EXT1: variants seen among roughly 807,000 people sequenced by gnomAD.
EXT1 encodes exostosin-1.
In EXT1, 20 loss-of-function variants were observed where a neutral mutation model predicts 82.5. The ratio of observed to expected loss-of-function variants is 0.24; its 90% confidence interval spans 0.17 to 0.35. The LOEUF is 0.35. EXT1 is among the 10% of genes least tolerant of loss of function. EXT1 has a pLI of 1.00. For synonymous variants in EXT1, 348 were observed against 350.8 expected, an observed-to-expected ratio of 0.99 and a Z score of 0.09; for missense variants, 757 against 936.5, an observed-to-expected ratio of 0.81 and a Z score of 2.50.
chr8:117,841,690 A>C lies in EXT1; in HGVS notation c.963-4489T>G, dbSNP rs577903920. On this transcript the variant is annotated intron_variant, in intron 1 of 10. Coordinates refer to ENST00000378204, the MANE Select transcript of EXT1 (RefSeq NM_000127.3). ...AAAGGTAGAAGAATTTTCACAAACG[A>C]CTACAAAGAAAAATGCAATAAAAAT... is the stretch of plus-strand genomic sequence containing the variant. Among the ~76,000 whole-genome samples the C allele has an allele frequency of 1.8e-4, 28 of 152,304 alleles. No individual in the cohort carries two copies. In the South Asian group the frequency reaches 5.8e-3, roughly 32 times the overall value.
At chr8:117,855,726 T>C (rs1008427816) in intron 1 of EXT1, among the ~76,000 whole-genome samples, 7 of 152,198 alleles carry the variant, frequency 4.6e-5, no homozygotes, top group South Asian at 2.1e-4. Context: ...TGGAGGGCAA[T>C]GGTGCGATCT....
chr8:117,895,572 G>A (rs1368836511), intron 1 of EXT1, among the ~76,000 whole-genome samples: 2 of 152,156 alleles, frequency 1.3e-5, no homozygotes, highest in African/African-American at 2.4e-5. Context: ...AGGTCTGAGT[G>A]TTATACGAAA....
chr8:117,883,283 C>G (rs969287476), intron 1 of EXT1, among the ~76,000 whole-genome samples: 1 of 152,164 alleles, frequency 6.6e-6, no homozygotes, highest in Non-Finnish European at 1.5e-5. Context: ...GGGCACCCAG[C>G]CTTTGAGGAG....
intron 1 of EXT1, among the ~76,000 whole-genome samples, chr8:117,853,609 A>G (rs1323750433): frequency 1.3e-5 from 2 of 152,168 alleles, no homozygotes; most frequent in Non-Finnish European, 2.9e-5. Context: ...AAAGAGCCTT[A>G]ACAACTTGAT....
intron 8 of EXT1, among the ~76,000 whole-genome samples, chr8:117,808,866 G>C (rs1823273928): frequency 6.6e-6 from 1 of 152,174 alleles, no homozygotes; most frequent in African/African-American, 2.4e-5. Context: ...CGCCAGTGCA[G>C]ATGGGCAATA....
intron 7 of EXT1, among the ~76,000 whole-genome samples, chr8:117,815,069 A>C (rs964568133): frequency 6.6e-6 from 1 of 152,188 alleles, no homozygotes; most frequent in Non-Finnish European, 1.5e-5. Context: ...TTTTGAAATA[A>C]AACACAAAGT....
At chr8:118,047,023 G>T (rs903276894) in intron 1 of EXT1, among the ~76,000 whole-genome samples, 1 of 152,316 alleles carries the variant, frequency 6.6e-6, no homozygotes, top group East Asian at 1.9e-4. Flanking sequence ...TGGCCACATA[G>T]AGCGACCAGA....
At chr8:117,868,176 C>T (rs1006522458) in intron 1 of EXT1, among the ~76,000 whole-genome samples, 2 of 152,208 alleles carry the variant, frequency 1.3e-5, no homozygotes, top group East Asian at 1.9e-4. Flanking sequence ...GAGGCTAAGG[C>T]GATTTCAGCT....
chr8:117,942,048 T>C (rs146186534), intron 1 of EXT1, among the ~76,000 whole-genome samples: 434 of 152,330 alleles, frequency 2.8e-3, no homozygotes, highest in Non-Finnish European at 3.5e-3. Context: ...CCAACACTGA[T>C]GACCTTCCCA....
rs10109014 is a variant in EXT1, at chr8:118,013,998, T to C, written c.962+96087A>G. On this transcript the variant is annotated intron_variant, in intron 1 of 10. Transcript: ENST00000378204. ...AGCTCAATGTGTAATCCTAGCTAGT[T>C]ATCTGAACTGCCTGAATCTTGCTTT... Among the ~76,000 whole-genome samples the C allele has an allele frequency of 9.5e-3, 1,446 of 152,314 alleles. 26 individuals are homozygous for C. Among genetic ancestry groups the C allele is most frequent in the African/African-American group, 0.034 (1,395 of 41,560 alleles).
At chr8:117,940,511 T>C (rs971809770) in intron 1 of EXT1, among the ~76,000 whole-genome samples, 1 of 152,154 alleles carries the variant, frequency 6.6e-6, no homozygotes, top group Non-Finnish European at 1.5e-5. Context: ...CTTTACTAAA[T>C]AGCTACACAG....
intron 1 of EXT1, among the ~76,000 whole-genome samples, chr8:117,873,673 C>G (rs1812916461): frequency 6.6e-6 from 1 of 152,032 alleles, no homozygotes. Context: ...CCAGTCTGGT[C>G]TTGAAATCCT....
chr8:117,814,377 T>A (rs1444789849), intron 7 of EXT1, among the ~76,000 whole-genome samples: 1 of 152,088 alleles, frequency 6.6e-6, no homozygotes, highest in Non-Finnish European at 1.5e-5. Context: ...GAACTAACCA[T>A]AAGAATGCTG....
intron 1 of EXT1, among the ~76,000 whole-genome samples, chr8:118,025,756 A>C (rs985526733): frequency 2.0e-5 from 3 of 152,116 alleles, no homozygotes; most frequent in Non-Finnish European, 4.4e-5. Context: ...TTTCTCTTCC[A>C]TAATTTTTTT....
intron 1 of EXT1, among the ~76,000 whole-genome samples, chr8:117,849,714 G>A (rs1812423065): frequency 6.6e-6 from 1 of 152,168 alleles, no homozygotes; most frequent in Non-Finnish European, 1.5e-5. Context: ...TATGTAAAGT[G>A]ATACAATGAA....
chr8:118,087,943 A>G (rs1288538983), intron 1 of EXT1, among the ~76,000 whole-genome samples: 1 of 149,974 alleles, frequency 6.7e-6, no homozygotes, highest in East Asian at 1.9e-4. Context: ...TCAGGGCAAA[A>G]AAAAAAAAAA....
intron 1 of EXT1, among the ~76,000 whole-genome samples, chr8:117,886,550 T>C (rs747730378): frequency 6.6e-6 from 1 of 152,240 alleles, no homozygotes; most frequent in Non-Finnish European, 1.5e-5. Flanking sequence ...ATTGCCACAC[T>C]ACTCAACTTA....
intron 1 of EXT1, among the ~76,000 whole-genome samples, chr8:117,974,369 CT>C (rs952701544): frequency 1.4e-4 from 22 of 152,340 alleles, no homozygotes; most frequent in Non-Finnish European, 2.8e-4. Flanking sequence ...CTCTTCCCTG[CT>C]GTAGTATCTC....
intron 1 of EXT1, among the ~76,000 whole-genome samples, chr8:117,876,527 T>C (rs1812971971): frequency 6.6e-6 from 1 of 152,222 alleles, no homozygotes; most frequent in African/African-American, 2.4e-5. Flanking sequence ...TTCCATTCCT[T>C]GTTGATAAAA....
Sources: gnomAD v4.1 joint callset for allele counts (sites outside exome capture counted in the v4.1 genomes callset) on GRCh38, gnomAD v4.1.1 for gene constraint, MANE v1.5 for transcripts, NCBI Gene and HGNC (gene_info 2026-07-23, HGNC 2026-07-21) for gene names.